PPP3CC: variants seen among roughly 807,000 people sequenced by gnomAD.
PPP3CC encodes protein phosphatase 3 catalytic subunit gamma, also known as serine/threonine-protein phosphatase 2B catalytic subunit gamma isoform.
Under a neutral mutation model 60.3 loss-of-function variants are expected in PPP3CC, and 35 were observed. The observed-to-expected ratio is 0.58, with a 90% confidence interval of 0.44 to 0.77. The LOEUF is 0.77. PPP3CC is among the 30% of genes least tolerant of loss of function. The pLI is 0.00. For synonymous variants in PPP3CC, 206 were observed against 224.3 expected (o/e 0.92, Z 0.73); for missense variants, 570 against 628.9 (o/e 0.91, Z 1.00).
chr8:22,540,357 C>G (rs1034050915), intron 13 of PPP3CC, among the ~76,000 whole-genome samples: 4 of 152,164 alleles, frequency 2.6e-5, no homozygotes, highest in Non-Finnish European at 4.4e-5. Context: ...AGGTATATGT[C>G]TACCATGATT....
At chr8:22,467,546 G>A (rs972675616) in intron 1 of PPP3CC, among the ~76,000 whole-genome samples, 4 of 152,026 alleles carry the variant, frequency 2.6e-5, no homozygotes, top group African/African-American at 7.2e-5. Flanking sequence ...GGGTTCAAGT[G>A]ATTCTCCTGC....
chr8:22,449,110 C>A (rs1233031897), intron 1 of PPP3CC, among the ~76,000 whole-genome samples: 4 of 151,618 alleles, frequency 2.6e-5, no homozygotes, highest in Non-Finnish European at 5.9e-5. Context: ...GCACCCATCT[C>A]TATTTAAAAA....
chr8:22,484,007 A>C (rs908868080), intron 3 of PPP3CC, among the ~76,000 whole-genome samples: 2 of 149,410 alleles, frequency 1.3e-5, no homozygotes, highest in Non-Finnish European at 3.0e-5. Context: ...ACACTTGGCT[A>C]ATTTTTTTTT....
Position 22,489,978 on chromosome 8 carries a change from C to T in PPP3CC, c.373-8023C>T, listed in dbSNP as rs1030319460. 5.3e-5 allele frequency among the ~76,000 whole-genome samples: 8 copies of T among 151,126 alleles called. No individual in the cohort carries two copies. The South Asian group carries it at 6.2e-4, about 12-fold the overall frequency. On this transcript the variant is annotated intron_variant, in intron 3 of 13. Coordinates refer to ENST00000240139, the MANE Select transcript of PPP3CC (RefSeq NM_005605.5). ...CTGGGATTAGAGGCGCATGCTACCA[C>T]GCCCAGCAATTTTTTTTTGTATTTT...
At chr8:22,538,347 G>A in intron 12 of PPP3CC, among the ~76,000 whole-genome samples, 1 of 152,198 alleles carries the variant, frequency 6.6e-6, no homozygotes. Flanking sequence ...CTTGTCAAGG[G>A]TATTTGTTCT....
chr8:22,484,134 A>G (rs1176023345), intron 3 of PPP3CC, among the ~76,000 whole-genome samples: 1 of 152,150 alleles, frequency 6.6e-6, no homozygotes, highest in Non-Finnish European at 1.5e-5. Context: ...GGCATGTGCT[A>G]CCACAGCCAG....
chr8:22,513,525 A>G, intron 6 of PPP3CC, 93 bp downstream of exon 6: 2 of 1,357,636 alleles, frequency 1.5e-6, no homozygotes, highest in Non-Finnish European at 2.0e-6. Flanking sequence ...AAATCTATGT[A>G]GTATAAGCAC....
chr8:22,456,496 C>T (rs1837198445), intron 1 of PPP3CC, among the ~76,000 whole-genome samples: 1 of 152,160 alleles, frequency 6.6e-6, no homozygotes, highest in Non-Finnish European at 1.5e-5. Context: ...TCTCCCCTAA[C>T]TCCCTTCCCT....
At chr8:22,455,070 AAAAAG>A (rs954000581) in intron 1 of PPP3CC, among the ~76,000 whole-genome samples, 4 of 151,766 alleles carry the variant, frequency 2.6e-5, no homozygotes, top group East Asian at 1.9e-4. Flanking sequence ...AAAAAAAAAA[AAAAAG>A]AAAGAAAGGA....
chr8:22,516,487 T>C (rs142422753), intron 6 of PPP3CC, among the ~76,000 whole-genome samples: 49 of 152,342 alleles, frequency 3.2e-4, no homozygotes, highest in African/African-American at 1.2e-3. Flanking sequence ...TTGATTCTCA[T>C]TACTTGTGGA....
intron 3 of PPP3CC, 96 bp downstream of exon 3, chr8:22,475,720 G>A (rs1040738670): frequency 7.7e-5 from 92 of 1,188,676 alleles, no homozygotes; most frequent in Non-Finnish European, 1.0e-4. Flanking sequence ...GAGAACTCTG[G>A]CAGAATTTAT....
At chr8:22,493,860 TTTA>T (rs1338968077) in intron 3 of PPP3CC, among the ~76,000 whole-genome samples, 1 of 152,182 alleles carries the variant, frequency 6.6e-6, no homozygotes, top group Non-Finnish European at 1.5e-5. Flanking sequence ...ACCAGTACCA[TTTA>T]TTATTATCAG....
intron 4 of PPP3CC, among the ~76,000 whole-genome samples, chr8:22,499,750 G>A (rs376151310): frequency 6.6e-6 from 1 of 152,184 alleles, no homozygotes; most frequent in African/African-American, 2.4e-5. Flanking sequence ...CTCTATCTGC[G>A]TATAAGACAT....
chr8:22,505,112 C>T (rs563674152), intron 4 of PPP3CC, among the ~76,000 whole-genome samples: 22 of 150,340 alleles, frequency 1.5e-4, no homozygotes, highest in Admixed American at 4.6e-4. Context: ...CTGCAACCTC[C>T]GCCTCCCAAG....
chr8:22,469,957 CAA>C (rs1346017083), intron 1 of PPP3CC, among the ~76,000 whole-genome samples: 1 of 112,096 alleles, frequency 8.9e-6, no homozygotes, highest in African/African-American at 4.1e-5. Context: ...AAGATTTGCT[CAA>C]AGACATATAT....
chr8:22,506,012 C>T (rs1838906709), intron 4 of PPP3CC, among the ~76,000 whole-genome samples: 2 of 151,908 alleles, frequency 1.3e-5, no homozygotes, highest in Non-Finnish European at 2.9e-5. Context: ...CACCCAGGCA[C>T]TAAGCCTAGT....
At chr8:22,534,503 T>G (rs911964056) in intron 12 of PPP3CC, among the ~76,000 whole-genome samples, 1 of 152,012 alleles carries the variant, frequency 6.6e-6, no homozygotes, top group Non-Finnish European at 1.5e-5. Context: ...GCTAAAGGGC[T>G]TGTAAATTGA....
intron 4 of PPP3CC, among the ~76,000 whole-genome samples, chr8:22,502,725 T>C (rs1376075645): frequency 6.6e-6 from 1 of 152,156 alleles, no homozygotes; most frequent in East Asian, 1.9e-4. Context: ...CCATAATATG[T>C]ACTGATATGG....
intron 1 of PPP3CC, among the ~76,000 whole-genome samples, chr8:22,446,805 CAAAAAAAAAAAAAAAAA>C (rs34407184): frequency 4.6e-5 from 1 of 21,958 alleles, no homozygotes; most frequent in Admixed American, 5.1e-4. Context: ...GACTCTGTCT[CAAAAAAAAAAAAAAAAA>C]AAAAAAAAAA....
Sources: gnomAD v4.1 joint callset for allele counts (sites outside exome capture counted in the v4.1 genomes callset) on GRCh38, gnomAD v4.1.1 for gene constraint, MANE v1.5 for transcripts, NCBI Gene and HGNC (gene_info 2026-07-23, HGNC 2026-07-21) for gene names.